The following FHIT variants were observed in gnomAD, a reference collection of about 807,000 sequenced individuals.
FHIT encodes fragile histidine triad diadenosine triphosphatase, also known as bis(5'-adenosyl)-triphosphatase.
FHIT carries 19 observed loss-of-function variants against 17.9 expected under a neutral mutation model. The ratio of observed to expected loss-of-function variants is 1.06; its 90% CI spans 0.74 to 1.56. The LOEUF is 1.56. Among genes scored for constraint, FHIT ranks in the 40% most tolerant of loss-of-function variants. The pLI is 0.00. For synonymous variants in FHIT, 81 were observed against 69.7 expected, an observed-to-expected ratio of 1.16 and a Z score of -0.81; for missense variants, 248 against 189.2, an observed-to-expected ratio of 1.31 and a Z score of -1.82.
At chr3:59,857,396 C>T (rs1191618526) in intron 8 of FHIT, among the ~76,000 whole-genome samples, 1 of 152,086 alleles carries the variant, frequency 6.6e-6, no homozygotes, top group Non-Finnish European at 1.5e-5. Context: ...CACTTCACTG[C>T]CTACCTGCAA....
chr3:60,577,480 A>G (rs550171015), intron 4 of FHIT, among the ~76,000 whole-genome samples: 4 of 152,308 alleles, frequency 2.6e-5, no homozygotes, highest in African/African-American at 9.6e-5. Context: ...AAAGTACACT[A>G]AATAAGGAAG....
At chr3:59,797,561 G>T (rs905076878) in intron 8 of FHIT, among the ~76,000 whole-genome samples, 1 of 152,156 alleles carries the variant, frequency 6.6e-6, no homozygotes, top group Non-Finnish European at 1.5e-5. Flanking sequence ...TTCTTTGGAT[G>T]AACCAATGCA....
chr3:61,020,468 T>A (rs1480148682), intron 3 of FHIT, among the ~76,000 whole-genome samples: 2 of 152,194 alleles, frequency 1.3e-5, no homozygotes, highest in African/African-American at 4.8e-5. Flanking sequence ...TTGCAAAGAT[T>A]TTCTCCCATT....
At chr3:60,377,134 G>C (rs1008548782) in intron 5 of FHIT, among the ~76,000 whole-genome samples, 4 of 151,748 alleles carry the variant, frequency 2.6e-5, no homozygotes, top group Admixed American at 2.0e-4. Context: ...GAGAGGCATA[G>C]AGTTCATCCT....
At chr3:60,043,984 C>A (rs936548012) in intron 5 of FHIT, among the ~76,000 whole-genome samples, 1 of 152,152 alleles carries the variant, frequency 6.6e-6, no homozygotes, top group African/African-American at 2.4e-5. Context: ...ATCTACTCGA[C>A]CCTAAAACTG....
intron 4 of FHIT, among the ~76,000 whole-genome samples, chr3:60,610,017 T>G (rs2038736644): frequency 6.6e-6 from 1 of 152,214 alleles, no homozygotes; most frequent in Admixed American, 6.5e-5. Context: ...TTGCTTTAAT[T>G]TTATTACAAG....
intron 5 of FHIT, among the ~76,000 whole-genome samples, chr3:60,355,274 T>A (rs978886834): frequency 3.3e-5 from 5 of 152,216 alleles, no homozygotes; most frequent in African/African-American, 1.2e-4. Context: ...TTCTAGCAAT[T>A]CTTAGCTGTC....
intron 5 of FHIT, among the ~76,000 whole-genome samples, chr3:60,398,003 A>G (rs1701517266): frequency 6.6e-6 from 1 of 152,104 alleles, no homozygotes. Context: ...ACTTTCGGGT[A>G]GGGGAACCGC....
chr3:60,078,207 T>G (rs532510988), intron 5 of FHIT, among the ~76,000 whole-genome samples: 1 of 152,140 alleles, frequency 6.6e-6, no homozygotes, highest in Admixed American at 6.6e-5. Flanking sequence ...AGATACTTAT[T>G]GATTACAAAA....
At chr3:60,165,037 A>G (rs2107380122) in intron 5 of FHIT, among the ~76,000 whole-genome samples, 1 of 152,284 alleles carries the variant, frequency 6.6e-6, no homozygotes, top group South Asian at 2.1e-4. Flanking sequence ...TAGATCACAG[A>G]TCCGAAACCC....
chr3:60,892,752 G>A (rs1705586913), intron 3 of FHIT, among the ~76,000 whole-genome samples: 1 of 152,120 alleles, frequency 6.6e-6, no homozygotes, highest in Non-Finnish European at 1.5e-5. Flanking sequence ...CTGCCATCTA[G>A]GAGAATAGTA....
chr3:60,967,310 C>T (rs991485646), intron 3 of FHIT, among the ~76,000 whole-genome samples: 48 of 152,082 alleles, frequency 3.2e-4, no homozygotes, highest in African/African-American at 1.1e-3. Context: ...TCATTCTTTC[C>T]CAAAATCATT....
chr3:60,304,467 G>A (rs1387232385), intron 5 of FHIT, among the ~76,000 whole-genome samples: 2 of 151,378 alleles, frequency 1.3e-5, no homozygotes, highest in African/African-American at 2.4e-5. Flanking sequence ...TGGTATCAAT[G>A]AATTTAATCC....
intron 5 of FHIT, among the ~76,000 whole-genome samples, chr3:60,188,647 G>A (rs1702267565): frequency 6.6e-6 from 1 of 152,032 alleles, no homozygotes; most frequent in African/African-American, 2.4e-5. Context: ...AATTAATTCA[G>A]CTTTTCCAAA....
chr3:59,849,715 A>G (rs1559660309), intron 8 of FHIT, among the ~76,000 whole-genome samples: 1 of 152,236 alleles, frequency 6.6e-6, no homozygotes, highest in Non-Finnish European at 1.5e-5. Context: ...CGAACTATCT[A>G]AAACTTCTTT....
intron 5 of FHIT, among the ~76,000 whole-genome samples, chr3:60,025,749 A>AG (rs2090172402): frequency 6.6e-6 from 1 of 150,468 alleles, no homozygotes; most frequent in South Asian, 2.1e-4. Flanking sequence ...AAAAAAAAAA[A>AG]GAGAGAGTGA....
At chr3:60,274,918 T>G (rs781144835) in intron 5 of FHIT, among the ~76,000 whole-genome samples, 4 of 152,196 alleles carry the variant, frequency 2.6e-5, no homozygotes, top group Middle Eastern at 3.2e-3. Context: ...AAAAAAATTC[T>G]ATTTTAATTT....
chr3:60,077,743 G>C (rs973845520), intron 5 of FHIT, among the ~76,000 whole-genome samples: 22 of 140,650 alleles, frequency 1.6e-4, no homozygotes, highest in Admixed American at 4.8e-4. Flanking sequence ...TATAGAGGGG[G>C]GGGGGAGGAT....
chr3:60,669,928 A>C (rs576307134), intron 4 of FHIT, among the ~76,000 whole-genome samples: 2 of 152,224 alleles, frequency 1.3e-5, no homozygotes, highest in Non-Finnish European at 2.9e-5. Context: ...GTAATCATGC[A>C]TTGTTATCAA....
Sources: allele counts gnomAD v4.1 joint callset (sites outside exome capture counted in the v4.1 genomes callset), GRCh38; gene constraint gnomAD v4.1.1; transcripts MANE v1.5; gene names NCBI Gene and HGNC (gene_info 2026-07-23, HGNC 2026-07-21).